XKR9: variants seen among roughly 807,000 people sequenced by gnomAD.
The protein encoded by XKR9 is XK related 9.
A neutral mutation model predicts 32.0 loss-of-function variants in XKR9; 32 were observed. The observed-to-expected ratio is 1.00, with a 90% CI of 0.76 to 1.34. The LOEUF (loss-of-function observed/expected upper bound fraction) is 1.34. Ranked by LOEUF, XKR9 falls within the 40% of genes most tolerant of loss-of-function variation. The probability of loss-of-function intolerance (pLI) is 0.00; values close to 1 mark genes in which losing one functional copy is unlikely to be tolerated. For missense variants in XKR9, 546 were observed against 429.7 expected, an observed-to-expected ratio of 1.27 and a Z score of -2.39; for synonymous variants, 168 against 143.4, an observed-to-expected ratio of 1.17 and a Z score of -1.22.
intron 2 of XKR9, among the ~76,000 whole-genome samples, chr8:70,742,124 A>T (rs2130165282): frequency 6.6e-6 from 1 of 152,242 alleles, no homozygotes; most frequent in South Asian, 2.1e-4. Context: ...CTCTATATTT[A>T]ATTAAGGGTT....
the XKR9 span, among the ~76,000 whole-genome samples, chr8:70,987,718 C>T: frequency 1.3e-5 from 2 of 152,182 alleles, no homozygotes; most frequent in African/African-American, 2.4e-5. Context: ...TCTCACAGCT[C>T]CACTAGGCAG....
the XKR9 span, among the ~76,000 whole-genome samples, chr8:71,022,738 C>T: frequency 1.7e-4 from 26 of 152,268 alleles, no homozygotes; most frequent in Admixed American, 3.9e-4. Flanking sequence ...TCTTTTCACC[C>T]CACATTAGAA....
intron 4 of XKR9, among the ~76,000 whole-genome samples, chr8:70,717,440 G>T (rs1028391831): frequency 6.6e-6 from 1 of 152,160 alleles, no homozygotes; most frequent in Non-Finnish European, 1.5e-5. Flanking sequence ...CTCACTTCTT[G>T]ACTTCTGTGC....
chr8:70,723,114 A>C (rs1226708214), intron 4 of XKR9, among the ~76,000 whole-genome samples: 1 of 151,998 alleles, frequency 6.6e-6, no homozygotes, highest in African/African-American at 2.4e-5. Context: ...TGTATGCTGC[A>C]TGAAGTTCTT....
chr8:70,972,341 T>C, the XKR9 span, among the ~76,000 whole-genome samples: 64 of 152,310 alleles, frequency 4.2e-4, no homozygotes, highest in African/African-American at 1.3e-3. Context: ...CTGAATTTAT[T>C]CACCAGCTCT....
chr8:70,915,350 G>A, the XKR9 span, among the ~76,000 whole-genome samples: 1 of 152,138 alleles, frequency 6.6e-6, no homozygotes, highest in Non-Finnish European at 1.5e-5. Context: ...CAGGTAAGGA[G>A]GGGGTTTGTT....
chr8:70,853,134 A>T, the XKR9 span, among the ~76,000 whole-genome samples: 1 of 152,202 alleles, frequency 6.6e-6, no homozygotes, highest in African/African-American at 2.4e-5. Flanking sequence ...TGCTAAGTGA[A>T]ATAAGCAGGC....
chr8:70,743,731 T>G (rs1304418211), intron 2 of XKR9, among the ~76,000 whole-genome samples: 1 of 152,146 alleles, frequency 6.6e-6, no homozygotes, highest in Non-Finnish European at 1.5e-5. Flanking sequence ...TCCACCTCAT[T>G]TTTCAGCAGT....
At chr8:70,886,975 T>C in the XKR9 span, among the ~76,000 whole-genome samples, 7 of 151,966 alleles carry the variant, frequency 4.6e-5, no homozygotes, top group African/African-American at 1.7e-4. Flanking sequence ...CTATGTTCTT[T>C]ACCTAGTCAG....
the XKR9 span, among the ~76,000 whole-genome samples, chr8:70,803,107 C>T: frequency 2.0e-5 from 3 of 152,142 alleles, no homozygotes; most frequent in Non-Finnish European, 4.4e-5. Context: ...TAGATTTGGT[C>T]TCTTTATGTA....
chr8:70,748,250 T>G (rs966872891), intron 2 of XKR9, among the ~76,000 whole-genome samples: 1 of 152,162 alleles, frequency 6.6e-6, no homozygotes, highest in African/African-American at 2.4e-5. Context: ...ACTGAGTCAG[T>G]GGGAGACCTG....
chr8:71,022,550 CTCTT>C, the XKR9 span, among the ~76,000 whole-genome samples: 1 of 152,108 alleles, frequency 6.6e-6, no homozygotes, highest in African/African-American at 2.4e-5. Context: ...TCAGAATTCT[CTCTT>C]TGTCTTTGAC....
intron 4 of XKR9, among the ~76,000 whole-genome samples, chr8:70,721,510 C>G (rs1049914095): frequency 5.9e-5 from 9 of 152,150 alleles, no homozygotes; most frequent in African/African-American, 2.2e-4. Flanking sequence ...TGTCTTTGCT[C>G]TCATTGGTTT....
the XKR9 span, among the ~76,000 whole-genome samples, chr8:71,035,363 T>C: frequency 6.6e-6 from 1 of 152,184 alleles, no homozygotes; most frequent in African/African-American, 2.4e-5. Context: ...GGTCCAAGAA[T>C]GTAATAAACA....
At chr8:70,776,322 A>T (rs1807519759) in intron 2 of XKR9, among the ~76,000 whole-genome samples, 1 of 152,144 alleles carries the variant, frequency 6.6e-6, no homozygotes, top group African/African-American at 2.4e-5. Context: ...TGTCTGTTTC[A>T]ACTAAGCAAT....
the XKR9 span, among the ~76,000 whole-genome samples, chr8:70,887,025 A>G: frequency 6.6e-6 from 1 of 152,164 alleles, no homozygotes; most frequent in African/African-American, 2.4e-5. Flanking sequence ...GGTGTCGCCT[A>G]GGTTTCCTTC....
the XKR9 span, among the ~76,000 whole-genome samples, chr8:70,873,698 T>C: frequency 0.019 from 2,863 of 152,326 alleles, 80 homozygotes; most frequent in African/African-American, 0.066. Flanking sequence ...ATGAATCTAC[T>C]GGTGAAGATG....
rs186755857 is a variant in XKR9 at position 70,729,712 on chromosome 8, A to T, written c.494-4084A>T. The stretch of plus-strand genomic sequence containing the variant: ...GTACACAATAATTTAACATAATTAT[A>T]ATTATTAATGACATCATATACTAAG... On this transcript the variant is annotated intron_variant, in intron 4 of 4. Coordinates refer to ENST00000408926, the MANE Select transcript of XKR9 (RefSeq NM_001011720.2). Among the ~76,000 whole-genome samples the T allele has an allele frequency of 4.3e-4, 65 of 152,308 alleles. 1 individual carries two copies. The highest frequency in any genetic ancestry group is 4.0e-3 in the Admixed American group (61 of 15,298).
the XKR9 span, among the ~76,000 whole-genome samples, chr8:70,923,981 A>G: frequency 1.3e-5 from 2 of 152,120 alleles, no homozygotes; most frequent in South Asian, 4.1e-4. Context: ...AATTCCATCT[A>G]GTGGTAATGT....
Sources: allele counts gnomAD v4.1 joint callset (sites outside exome capture counted in the v4.1 genomes callset), GRCh38; gene constraint gnomAD v4.1.1; transcripts MANE v1.5; gene names NCBI Gene and HGNC (gene_info 2026-07-23, HGNC 2026-07-21).